The following GREB1L variants were observed in gnomAD, a reference collection of about 807,000 sequenced individuals.
GREB1L encodes GREB1 like retinoic acid receptor coactivator.
In GREB1L, 17 loss-of-function variants were observed where a neutral mutation model predicts 200.8. The observed-to-expected ratio is 0.08, with a 90% CI of 0.06 to 0.13. The LOEUF (loss-of-function observed/expected upper bound fraction) is 0.13, where lower values mean the gene tolerates loss of function less well. Ranked by LOEUF, GREB1L falls within the 10% of genes least tolerant of loss-of-function variation. The pLI, the probability that GREB1L is intolerant of heterozygous loss-of-function variation, is 1.00. For synonymous variants in GREB1L, 789 were observed against 893.0 expected (o/e 0.88, Z 2.08); for missense variants, 1,657 against 2,367.7 (o/e 0.70, Z 6.23).
At chr18:21,295,299 A>G (rs2038509651) in intron 1 of GREB1L, among the ~76,000 whole-genome samples, 1 of 152,114 alleles carries the variant, frequency 6.6e-6, no homozygotes, top group South Asian at 2.1e-4. Context: ...TTGTTATTCA[A>G]GCCTCTCCAC....
At chr18:21,462,716 C>T (rs2035097366) in intron 15 of GREB1L, among the ~76,000 whole-genome samples, 1 of 152,186 alleles carries the variant, frequency 6.6e-6, no homozygotes, top group East Asian at 1.9e-4. Flanking sequence ...TCCCAAAGTG[C>T]TGGGATTACC....
rs965079547 is a variant in GREB1L at position 21,359,459 on chromosome 18, T to A, written c.-119-6568T>A. 1.1e-4 allele frequency among the ~76,000 whole-genome samples: 16 copies of A among 152,060 alleles called. No homozygotes were observed. In the South Asian group the frequency reaches 1.5e-3, roughly 14 times the overall value. The stretch of plus-strand genomic sequence containing the variant: ...GATGAGACTCCATCTCAAAAAAAAA[T>A]AAATAAATAAAATCAAGAACTACTC... On this transcript the variant is annotated intron_variant, in intron 1 of 32. Transcript: ENST00000424526.
chr18:21,406,606 C>A (rs547019517), intron 7 of GREB1L, among the ~76,000 whole-genome samples: 2 of 152,322 alleles, frequency 1.3e-5, no homozygotes, highest in South Asian at 4.1e-4. Context: ...CAAATATTAG[C>A]ATGTGCAGCA....
At chr18:21,517,005 C>G (rs2037443759) in intron 30 of GREB1L, among the ~76,000 whole-genome samples, 1 of 150,662 alleles carries the variant, frequency 6.6e-6, no homozygotes, top group Non-Finnish European at 1.5e-5. Context: ...TCCCAAGTAG[C>G]TGGGATTAGA....
chr18:21,346,982 C>G (rs1186522395), intron 1 of GREB1L, among the ~76,000 whole-genome samples: 1 of 152,228 alleles, frequency 6.6e-6, no homozygotes, highest in Non-Finnish European at 1.5e-5. Context: ...CCCTTGTTCA[C>G]CACACTTGCT....
At chr18:21,470,036 G>T (rs1018886676) in intron 15 of GREB1L, among the ~76,000 whole-genome samples, 2 of 152,042 alleles carry the variant, frequency 1.3e-5, no homozygotes, top group African/African-American at 4.8e-5. Context: ...TATAATCCCA[G>T]TGCTTTGAGA....
intron 1 of GREB1L, among the ~76,000 whole-genome samples, chr18:21,269,405 G>C (rs570102351): frequency 4.1e-4 from 63 of 152,206 alleles, no homozygotes; most frequent in African/African-American, 1.4e-3. Context: ...GCCCAATTCT[G>C]GGAATTCTTT....
chr18:21,474,796 G>A (rs2145704400), intron 16 of GREB1L, among the ~76,000 whole-genome samples: 1 of 152,270 alleles, frequency 6.6e-6, no homozygotes, highest in Admixed American at 6.5e-5. Context: ...ACATGCCCTG[G>A]AGACATTTTC....
intron 1 of GREB1L, among the ~76,000 whole-genome samples, chr18:21,312,851 C>T (rs1480069199): frequency 3.9e-5 from 6 of 152,122 alleles, no homozygotes; most frequent in African/African-American, 1.4e-4. Context: ...TGCACCCGGT[C>T]CAGTAATAAC....
intron 1 of GREB1L, among the ~76,000 whole-genome samples, chr18:21,341,933 C>T (rs2039275546): frequency 6.6e-6 from 1 of 152,018 alleles, no homozygotes; most frequent in Non-Finnish European, 1.5e-5. Context: ...AGCTGAACTG[C>T]TTTTGTTGGT....
intron 17 of GREB1L, among the ~76,000 whole-genome samples, chr18:21,482,941 T>C (rs770438949): frequency 2.6e-5 from 4 of 152,204 alleles, no homozygotes; most frequent in Non-Finnish European, 4.4e-5. Flanking sequence ...TCATTCAGTT[T>C]CATAACTCAT....
At chr18:21,502,032 G>A (rs530625927) in intron 23 of GREB1L, among the ~76,000 whole-genome samples, 4 of 152,254 alleles carry the variant, frequency 2.6e-5, no homozygotes, top group African/African-American at 4.8e-5. Context: ...AGGCCAAGGC[G>A]GGCGGATCAC....
intron 30 of GREB1L, among the ~76,000 whole-genome samples, chr18:21,517,657 A>C (rs961139949): frequency 5.9e-5 from 9 of 152,302 alleles, no homozygotes; most frequent in Admixed American, 4.6e-4. Flanking sequence ...CATGGGGGCT[A>C]CCAGTGGAGC....
chr18:21,351,848 A>AT (rs748022041), intron 1 of GREB1L, among the ~76,000 whole-genome samples: 147 of 150,458 alleles, frequency 9.8e-4, no homozygotes, highest in African/African-American at 2.8e-3. Context: ...ATTTTATTTT[A>AT]TTTATTTATT....
At chr18:21,341,549 C>A (rs748854641) in intron 1 of GREB1L, among the ~76,000 whole-genome samples, 1 of 152,108 alleles carries the variant, frequency 6.6e-6, no homozygotes, top group African/African-American at 2.4e-5. Flanking sequence ...TTTTTTAAAT[C>A]TTTTGTAGAG....
At chr18:21,427,562 T>C (rs756035744) in intron 7 of GREB1L, among the ~76,000 whole-genome samples, 1 of 152,220 alleles carries the variant, frequency 6.6e-6, no homozygotes, top group Non-Finnish European at 1.5e-5. Context: ...GTATAAGTTT[T>C]ACACTTCTTT....
intron 1 of GREB1L, among the ~76,000 whole-genome samples, chr18:21,362,057 A>G (rs936141651): frequency 5.3e-5 from 8 of 152,112 alleles, no homozygotes; most frequent in Admixed American, 2.6e-4. Context: ...AGTGTTCTAT[A>G]ATTATTTAAT....
chr18:21,286,418 C>G (rs2144521817), intron 1 of GREB1L, among the ~76,000 whole-genome samples: 1 of 152,166 alleles, frequency 6.6e-6, no homozygotes, highest in Non-Finnish European at 1.5e-5. Context: ...AATGGCATCT[C>G]TAGAAATAAT....
intron 7 of GREB1L, among the ~76,000 whole-genome samples, chr18:21,429,910 A>G (rs12457474): frequency 0.13 from 20,395 of 152,070 alleles, 1,878 homozygotes; most frequent in East Asian, 0.34. Flanking sequence ...TTATTTTCAC[A>G]CGGTCCTGGA....
Sources: gnomAD v4.1 joint callset for allele counts (sites outside exome capture counted in the v4.1 genomes callset) on GRCh38, gnomAD v4.1.1 for gene constraint, MANE v1.5 for transcripts, NCBI Gene and HGNC (gene_info 2026-07-23, HGNC 2026-07-21) for gene names.